Variants in NKAIN3 observed in about 807,000 individuals in gnomAD.
NKAIN3 encodes the protein sodium/potassium transporting ATPase interacting 3.
NKAIN3 carries 25 observed loss-of-function variants against 30.2 expected under a neutral mutation model. The ratio of observed to expected loss-of-function variants is 0.83; its 90% confidence interval spans 0.60 to 1.16. The LOEUF (loss-of-function observed/expected upper bound fraction) is 1.16, where lower values mean the gene tolerates loss of function less well. Ranked by LOEUF, NKAIN3 falls within the 50% of genes most tolerant of loss-of-function variation. The pLI is 0.00. For synonymous variants in NKAIN3, 91 were observed against 89.6 expected, an observed-to-expected ratio of 1.02 and a Z score of -0.09; for missense variants, 225 against 254.1, an observed-to-expected ratio of 0.89 and a Z score of 0.78.
At chr8:62,930,480 C>T (rs188877666) in intron 5 of NKAIN3, among the ~76,000 whole-genome samples, 17 of 152,114 alleles carry the variant, frequency 1.1e-4, no homozygotes, top group Non-Finnish European at 1.8e-4. Context: ...TCTCGAACTC[C>T]TGACCACAGG....
chr8:62,863,214 A>G (rs751351075), intron 4 of NKAIN3: 13 of 1,555,702 alleles, frequency 8.4e-6, no homozygotes, highest in Non-Finnish European at 1.1e-5. Context: ...CCAATAACTC[A>G]GCCTGCCTCT....
intron 1 of NKAIN3, among the ~76,000 whole-genome samples, chr8:62,552,751 C>T (rs942870156): frequency 6.6e-6 from 1 of 152,172 alleles, no homozygotes; most frequent in Non-Finnish European, 1.5e-5. Context: ...ATAAAAGCCA[C>T]CTTTCATTAA....
At chr8:62,611,209 T>G (rs1811279583) in intron 3 of NKAIN3, among the ~76,000 whole-genome samples, 1 of 152,170 alleles carries the variant, frequency 6.6e-6, no homozygotes, top group South Asian at 2.1e-4. Context: ...CTGTATATAT[T>G]TATGGGGCAC....
intron 1 of NKAIN3, among the ~76,000 whole-genome samples, chr8:62,550,136 A>C (rs1809151206): frequency 6.6e-6 from 1 of 152,104 alleles, no homozygotes; most frequent in African/African-American, 2.4e-5. Flanking sequence ...AGCTATGTTA[A>C]GAAACATTTC....
intron 1 of NKAIN3, among the ~76,000 whole-genome samples, chr8:62,573,106 A>G (rs1201527708): frequency 2.0e-5 from 3 of 152,138 alleles, no homozygotes; most frequent in Admixed American, 6.5e-5. Context: ...GAATTTTAAA[A>G]CATGCCCCTT....
chr8:62,277,785 GC>G (rs1199355798), intron 1 of NKAIN3, among the ~76,000 whole-genome samples: 16 of 152,246 alleles, frequency 1.1e-4, no homozygotes, highest in African/African-American at 3.1e-4. Context: ...TCTGCTTCTG[GC>G]AAGGATGAAG....
chr8:62,581,817 TTTA>T (rs1810305533), intron 2 of NKAIN3, among the ~76,000 whole-genome samples: 2 of 28,848 alleles, frequency 6.9e-5, no homozygotes, highest in Admixed American at 4.1e-4. Context: ...CCCTTCCTTC[TTTA>T]CTTCCTTCCC....
intron 1 of NKAIN3, among the ~76,000 whole-genome samples, chr8:62,293,517 G>T (rs1471130865): frequency 6.6e-6 from 1 of 152,168 alleles, no homozygotes; most frequent in Non-Finnish European, 1.5e-5. Flanking sequence ...GACCCTGTTT[G>T]CCTGGGTATC....
rs1563942748 is a variant in NKAIN3 at position 62,345,496 on chromosome 8, C to CACATATATGT, written c.54+96370_54+96371insCATATATGTA. Among the ~76,000 whole-genome samples the CACATATATGT allele has an allele frequency of 1.4e-4, 17 of 117,518 alleles. 1 individual carries two copies. The highest frequency in any genetic ancestry group is 2.9e-4 in the Non-Finnish European group (17 of 58,996). 77.1% of individuals were successfully genotyped at this position (117,518 alleles called of 152,430 possible). A position where few individuals can be genotyped will look rare whatever the true frequency, so the allele number is the denominator to read the frequency against. ...ATACACATATATGTATATATACACA[C>CACATATATGT]ATATATACACATATATACACATATA... On this transcript the variant is annotated intron_variant, in intron 1 of 6. Transcript: ENST00000623646.
chr8:62,436,435 T>C (rs990178492), intron 1 of NKAIN3, among the ~76,000 whole-genome samples: 2 of 152,166 alleles, frequency 1.3e-5, no homozygotes, highest in Admixed American at 6.6e-5. Flanking sequence ...GTGCTTAACA[T>C]TGCAACTTTG....
At chr8:62,766,177 G>A (rs1022625222) in intron 4 of NKAIN3, among the ~76,000 whole-genome samples, 1 of 152,128 alleles carries the variant, frequency 6.6e-6, no homozygotes, top group Non-Finnish European at 1.5e-5. Flanking sequence ...CAGAGGAAAA[G>A]AGAAAAAATT....
At chr8:62,912,388 C>T (rs1821947004) in intron 4 of NKAIN3, among the ~76,000 whole-genome samples, 1 of 152,074 alleles carries the variant, frequency 6.6e-6, no homozygotes, top group Non-Finnish European at 1.5e-5. Context: ...GGCTATACTA[C>T]ATTTAATTTT....
intron 2 of NKAIN3, among the ~76,000 whole-genome samples, chr8:62,584,404 G>C (rs369832603): frequency 6.6e-6 from 1 of 152,270 alleles, no homozygotes; most frequent in East Asian, 1.9e-4. Flanking sequence ...CAAGAGACAG[G>C]GTTCATCACA....
chr8:62,280,144 T>C (rs1017520930), intron 1 of NKAIN3, among the ~76,000 whole-genome samples: 6 of 145,112 alleles, frequency 4.1e-5, no homozygotes, highest in Non-Finnish European at 9.1e-5. Context: ...CAATTGTGAA[T>C]GGGAGTTAAC....
intron 1 of NKAIN3, among the ~76,000 whole-genome samples, chr8:62,323,607 A>T (rs1412270610): frequency 1.3e-5 from 2 of 152,026 alleles, no homozygotes; most frequent in Non-Finnish European, 2.9e-5. Flanking sequence ...GGTAGTTCTT[A>T]TTATCAGGGA....
At chr8:62,281,712 T>C (rs574883907) in intron 1 of NKAIN3, among the ~76,000 whole-genome samples, 4 of 152,306 alleles carry the variant, frequency 2.6e-5, no homozygotes, top group African/African-American at 7.2e-5. Flanking sequence ...TCCTGAGTTC[T>C]AGTTTATGGT....
At chr8:62,605,328 C>A (rs1410331152) in intron 3 of NKAIN3, among the ~76,000 whole-genome samples, 1 of 151,990 alleles carries the variant, frequency 6.6e-6, no homozygotes, top group Non-Finnish European at 1.5e-5. Context: ...GCTTTCAGAC[C>A]AGCCCTGAGC....
intron 4 of NKAIN3, among the ~76,000 whole-genome samples, chr8:62,818,184 C>A (rs1313906986): frequency 1.3e-5 from 2 of 152,012 alleles, no homozygotes; most frequent in African/African-American, 4.8e-5. Context: ...TAGTATTGTA[C>A]CAATATCAAT....
At chr8:62,762,482 T>C (rs1474930336) in intron 4 of NKAIN3, among the ~76,000 whole-genome samples, 1 of 152,170 alleles carries the variant, frequency 6.6e-6, no homozygotes, top group Non-Finnish European at 1.5e-5. Context: ...AGTAAGTAGA[T>C]GTTAAAGAAG....
Sources: allele counts gnomAD v4.1 joint callset (sites outside exome capture counted in the v4.1 genomes callset), GRCh38; gene constraint gnomAD v4.1.1; transcripts MANE v1.5; gene names NCBI Gene and HGNC (gene_info 2026-07-23, HGNC 2026-07-21).